The following GREP1 variants were observed in gnomAD, a reference collection of about 807,000 sequenced individuals.
GREP1 encodes the protein glycine-rich extracellular protein 1.
chr16:2,990,381 G>A (rs990981023), intron 5 of GREP1, 171 bp from the exon 6 acceptor site: 7 of 398,946 alleles, frequency 1.8e-5, no homozygotes, highest in African/African-American at 1.0e-4. Context: ...GGGGGAGCTG[G>A]AAGCCAGGAT....
intron 33 of GREP1, 87 bp from the exon 28 acceptor site, chr16:3,001,194 G>C (rs979256399): frequency 5.0e-6 from 2 of 399,106 alleles, no homozygotes; most frequent in Non-Finnish European, 8.8e-6. Flanking sequence ...CGGGGAGGGG[G>C]TGTCTCCCAC....
Position 2,990,948 on chromosome 16 carries a change from G to A in GREP1, c.269-100G>A, listed in dbSNP as rs898720805. The A allele has an allele frequency of 1.8e-5, 7 of 398,790 alleles. No individual in the cohort carries two copies. The South Asian group carries it at 6.4e-4, about 36-fold the overall frequency. 24.7% of individuals were successfully genotyped at this position (398,790 alleles called of 1,614,324 possible). A position where few individuals can be genotyped will look rare whatever the true frequency, so the allele number is the denominator to read the frequency against. On this transcript the variant is annotated intron_variant, in intron 7 of 34. Coordinates refer to ENST00000573315, the Ensembl canonical transcript of GREP1. ...AGCCCCAGAAGCCAGAGGCGAGGCCGCCCCACACCTGTCCCAGTGTCCACT... is the reference window on the plus strand; with the variant it reads ...AGCCCCAGAAGCCAGAGGCGAGGCCACCCCACACCTGTCCCAGTGTCCACT...
exon 21 of GREP1, chr16:2,997,058 T>A: frequency 2.5e-6 from 1 of 399,074 alleles, no homozygotes; most frequent in Non-Finnish European, 4.4e-6. Context: ...ACCAGGCTAT[T>A]TGGGGGTTAT....
At position 2,998,504 on chromosome 16, in the gene GREP1, T is replaced by C. The variant is rs910130948; in HGVS notation, c.993T>C (p.His331=). The change falls in exon 25 of 35, where the codon CAT becomes CAC. Residue 331 remains histidine, a synonymous_variant. Coordinates refer to ENST00000573315, the Ensembl canonical transcript of GREP1. ...GCTTTCCCTCTCCAGGACACGGCCA[T>C]GAAAATGGGCCCTGGCCAGGTGAGG... is the stretch of plus-strand genomic sequence containing the variant. The C allele has an allele frequency of 3.8e-5, 15 of 398,868 alleles. No homozygotes were observed. In the South Asian group the frequency reaches 3.8e-4, roughly 10 times the overall value. The allele number at this position is 398,868 out of a possible 1,614,324, so 24.7% of individuals were successfully genotyped here. A position where few individuals can be genotyped will look rare whatever the true frequency, so the allele number is the denominator to read the frequency against.
At chr16:2,998,266 G>A (rs2072437399) in intron 23 of GREP1, 90 bp from the exon 22 acceptor site, 4 of 398,602 alleles carry the variant, frequency 1.0e-5, no homozygotes, top group Non-Finnish European at 1.8e-5. Context: ...TGAAAAGACG[G>A]GGCTAGGGGG....
chr16:2,996,329 A>G (rs926924609), intron 18 of GREP1, among the ~76,000 whole-genome samples, 167 bp from the exon 18 acceptor site: 1 of 152,086 alleles, frequency 6.6e-6, no homozygotes, highest in Non-Finnish European at 1.5e-5. Flanking sequence ...ATTAAGTGCC[A>G]CTGGCTGGCC....
chr16:3,001,360 C>T, intron 34 of GREP1, 26 bp downstream of exon 28: 1 of 399,142 alleles, frequency 2.5e-6, no homozygotes, highest in Non-Finnish European at 4.4e-6. Context: ...AATGGCCGAG[C>T]CGCCTGCCCA....
intron 7 of GREP1, 92 bp from the exon 7 acceptor site, chr16:2,990,956 C>A (rs2072396030): frequency 2.5e-6 from 1 of 399,152 alleles, no homozygotes; most frequent in South Asian, 1.3e-4. Flanking sequence ...CCGCCCCACA[C>A]CTGTCCCAGT....
Position 2,996,297 on chromosome 16 carries a change from G to A in GREP1, c.677-199G>A, listed in dbSNP as rs553522563. ...CGGGCCAGGGGGCCGGGAGGGCAGA[G>A]TGTGGGTCTGAATCCTGGGGAATTA... On this transcript the variant is annotated intron_variant, in intron 18 of 34. Coordinates refer to ENST00000573315, the Ensembl canonical transcript of GREP1. Among the ~76,000 whole-genome samples the A allele has an allele frequency of 7.9e-5, 12 of 152,308 alleles. No individual in the cohort carries two copies. In the East Asian group the frequency reaches 2.3e-3, roughly 29 times the overall value.
intron 31 of GREP1, 194 bp from the exon 27 acceptor site, chr16:3,000,520 G>A: frequency 2.5e-6 from 1 of 399,206 alleles, no homozygotes; most frequent in Non-Finnish European, 4.4e-6. Context: ...CAACAGCCCA[G>A]GGGCTAGGCG....
At chr16:3,001,783 A>C (rs1189543447) in exon 35 of GREP1, 1 of 396,598 alleles carries the variant, frequency 2.5e-6, no homozygotes, top group Non-Finnish European at 4.4e-6. Flanking sequence ...CACCTCATTC[A>C]TTCATTTGGC....
chr16:2,993,834 C>T (rs956544123), intron 10 of GREP1: 1 of 152,162 alleles, frequency 6.6e-6, no homozygotes, highest in Non-Finnish European at 1.5e-5. Context: ...GTAGTGGGCA[C>T]CTGTAATCCC....
chr16:2,999,423 A>C (rs984539), intron 27 of GREP1: 252,631 of 391,670 alleles, frequency 0.65, 83,176 homozygotes, highest in African/African-American at 0.88. Context: ...TAGGCTGCCT[A>C]AGCTATTCAG....
rs1320963571 is a variant in GREP1 at position 2,990,021 on chromosome 16, G to C, written c.163+15G>C. ...ACAGAAGCCAGGTGAGCCCTGCCCC[G>C]GCCCCAGCTCTTTGTCTCCCCCTCT... On this transcript the variant is annotated intron_variant, in intron 4 of 34. Coordinates refer to ENST00000573315, the Ensembl canonical transcript of GREP1. 7.5e-6 allele frequency: 3 copies of C among 399,410 alleles called. No homozygotes were observed. Among genetic ancestry groups the C allele is most frequent in the Non-Finnish European group, 1.3e-5 (3 of 226,558 alleles). 24.7% of individuals were successfully genotyped at this position (399,410 alleles called of 1,614,324 possible).
At position 2,999,956 on chromosome 16, in the gene GREP1, T is replaced by A; in HGVS notation, c.1231+13T>A. ...GGAGCAGAACCAGGTGAGGAGGCCC[T>A]TCCTGGAGTTCCTCCCCTCCCTTCC... On this transcript the variant is annotated intron_variant, in intron 28 of 34. Transcript: ENST00000573315. The A allele has an allele frequency of 2.5e-6, 1 of 399,090 alleles. No homozygotes were observed. Among genetic ancestry groups the A allele is most frequent in the East Asian group, 3.6e-5 (1 of 28,070 alleles). The allele number at this position is 399,090 out of a possible 1,614,324, so 24.7% of individuals were successfully genotyped here. A position where few individuals can be genotyped will look rare whatever the true frequency, so the allele number is the denominator to read the frequency against.
chr16:2,999,113 A>T (rs1324814443), intron 26 of GREP1, 134 bp downstream of exon 24: 1 of 398,444 alleles, frequency 2.5e-6, no homozygotes, highest in Non-Finnish European at 4.4e-6. Flanking sequence ...TCACACAGTG[A>T]TCTGCTGAGG....
Position 2,995,773 on chromosome 16 carries a change from TGAGCCCCGCCC to T in GREP1, c.622+4_622+14del. Reference sequence around the variant, plus strand: ...GGAATGTGAAGCCTCTGAAGCCAGGTGAGCCCCGCCCGCCCTGGTCTGCCTCTCTATGCACG... The same window carrying T: ...GGAATGTGAAGCCTCTGAAGCCAGGTGCCCTGGTCTGCCTCTCTATGCACG... On this transcript the variant is annotated splice_donor_5th_base_variant and intron_variant, in intron 17 of 34. Coordinates refer to ENST00000573315, the Ensembl canonical transcript of GREP1. 1 of 398,704 alleles carries T rather than the reference TGAGCCCCGCCC, an allele frequency of 2.5e-6. No homozygotes were observed. Among genetic ancestry groups the T allele is most frequent in the Non-Finnish European group, 4.4e-6 (1 of 226,112 alleles). 24.7% of individuals were successfully genotyped at this position (398,704 alleles called of 1,614,324 possible).
At chr16:2,997,567 G>C (rs576556472) in intron 22 of GREP1, 2 of 398,028 alleles carry the variant, frequency 5.0e-6, no homozygotes, top group African/African-American at 4.1e-5. Flanking sequence ...ACAAGGGGGA[G>C]GGAGGTGCTG....
rs767039502 is a variant in GREP1, at chr16:2,989,857, C to A, written c.131-117C>A. 7.5e-6 allele frequency: 3 copies of A among 398,492 alleles called. No individual in the cohort carries two copies. Among genetic ancestry groups the A allele is most frequent in the Admixed American group, 4.4e-5 (1 of 22,724 alleles). 24.7% of individuals were successfully genotyped at this position (398,492 alleles called of 1,614,324 possible). ...CCACCTGTGCCCCACAGCCCTCCCC[C>A]ATCATGGGAAGGGACTGAGTTCCCA... is the stretch of plus-strand genomic sequence containing the variant. On this transcript the variant is annotated intron_variant, in intron 3 of 34. Coordinates refer to ENST00000573315, the Ensembl canonical transcript of GREP1. This position sits in a 1 kb window ranked among gnomAD's most constrained non-coding sequence, Gnocchi z 4.2.
Sources: allele counts gnomAD v4.1 joint callset (sites outside exome capture counted in the v4.1 genomes callset), GRCh38; gene constraint gnomAD v4.1.1; non-coding constraint Gnocchi (gnomAD v3.1); transcripts MANE v1.5; gene names NCBI Gene and HGNC (gene_info 2026-07-23, HGNC 2026-07-21).